Variants in METTL24 observed in about 807,000 individuals in gnomAD.
METTL24 encodes probable methyltransferase-like protein 24.
In METTL24, 29 loss-of-function variants were observed where a neutral mutation model predicts 32.7. That is an observed-to-expected ratio of 0.89 (90% CI 0.66 to 1.21). The LOEUF (loss-of-function observed/expected upper bound fraction) is 1.21. Among genes scored for constraint, METTL24 ranks in the 50% most tolerant of loss-of-function variants. The probability of loss-of-function intolerance (pLI) is 0.00; values close to 1 mark genes in which losing one functional copy is unlikely to be tolerated. For synonymous variants in METTL24, 163 were observed against 179.5 expected (o/e 0.91, Z 0.73); for missense variants, 439 against 468.1 (o/e 0.94, Z 0.57).
rs1162627573 is a variant in METTL24 at position 110,358,287 on chromosome 6, G to A, written c.-15C>T. 3 of 1,443,646 alleles carry A rather than the reference G, an allele frequency of 2.1e-6. No individual in the cohort carries two copies. Among genetic ancestry groups the A allele is most frequent in the Non-Finnish European group, 9.0e-7 (1 of 1,105,868 alleles). 89.4% of individuals were successfully genotyped at this position (1,443,646 alleles called of 1,614,324 possible). Reference sequence around the variant, plus strand: ...TCCCGGGCCATGGCGCTACACTCGGGGTCCCGCGGGCCGCGCCTGGCCGGC... The same window carrying A: ...TCCCGGGCCATGGCGCTACACTCGGAGTCCCGCGGGCCGCGCCTGGCCGGC... On this transcript the variant is annotated 5_prime_UTR_variant, in exon 1 of 5. Transcript: ENST00000338882.
intron 1 of METTL24, among the ~76,000 whole-genome samples, chr6:110,353,751 C>T (rs1772655679): frequency 6.6e-6 from 1 of 152,048 alleles, no homozygotes; most frequent in Non-Finnish European, 1.5e-5. Context: ...GAGTGTCTCT[C>T]TTTTGCAAAT....
intron 4 of METTL24, among the ~76,000 whole-genome samples, chr6:110,290,768 T>C (rs913643762): frequency 2.6e-5 from 4 of 152,198 alleles, no homozygotes; most frequent in Non-Finnish European, 5.9e-5. Context: ...TTGGTAAATA[T>C]ATGTTTAACT....
intron 4 of METTL24, among the ~76,000 whole-genome samples, chr6:110,276,139 G>C (rs1381487406): frequency 6.6e-6 from 1 of 152,086 alleles, no homozygotes; most frequent in Non-Finnish European, 1.5e-5. Context: ...AAACCAATAA[G>C]ATTACATGAT....
intron 4 of METTL24, among the ~76,000 whole-genome samples, chr6:110,290,981 T>C (rs1033593323): frequency 1.2e-4 from 18 of 152,206 alleles, no homozygotes; most frequent in African/African-American, 4.1e-4. Flanking sequence ...TCTTTTCATA[T>C]GTGTTTTTGC....
chr6:110,314,170 A>T lies in METTL24; in HGVS notation c.557+1172T>A, dbSNP rs1279508147. Among the ~76,000 whole-genome samples, 11 of 152,216 alleles carry T rather than the reference A, an allele frequency of 7.2e-5. No homozygotes were observed. The South Asian group carries it at 2.3e-3, about 32-fold the overall frequency. On this transcript the variant is annotated intron_variant, in intron 3 of 4. Transcript: ENST00000338882. The stretch of plus-strand genomic sequence containing the variant: ...GAATGTAGACTCTAGAGGTGATGAA[A>T]CCTACAGGTGAGGAGGAAGCATGTG...
intron 3 of METTL24, among the ~76,000 whole-genome samples, chr6:110,311,464 C>CTTTGTTTTT (rs1562233909): frequency 4.8e-5 from 6 of 123,712 alleles, no homozygotes; most frequent in African/African-American, 6.8e-5. Flanking sequence ...TCTTTTCTTT[C>CTTTGTTTTT]TTTGTTTTTT....
At chr6:110,302,566 C>CAT in intron 3 of METTL24, among the ~76,000 whole-genome samples, 2 of 95,730 alleles carry the variant, frequency 2.1e-5, no homozygotes, top group African/African-American at 1.1e-4. Flanking sequence ...TATATATACA[C>CAT]ACATACACAC....
chr6:110,352,863 CT>C (rs1489417282), intron 1 of METTL24, among the ~76,000 whole-genome samples: 2 of 152,210 alleles, frequency 1.3e-5, no homozygotes, highest in African/African-American at 4.8e-5. Flanking sequence ...TTTGGTTTAA[CT>C]ACTTGACCTG....
At chr6:110,327,092 TGACAGA>T (rs1772029853) in intron 1 of METTL24, among the ~76,000 whole-genome samples, 1 of 152,190 alleles carries the variant, frequency 6.6e-6, no homozygotes, top group Admixed American at 6.5e-5. Flanking sequence ...ATAGGGGCTC[TGACAGA>T]GATCTCTACA....
At chr6:110,325,039 T>C (rs1562237922) in intron 1 of METTL24, among the ~76,000 whole-genome samples, 1 of 152,174 alleles carries the variant, frequency 6.6e-6, no homozygotes, top group Non-Finnish European at 1.5e-5. Context: ...TAAACACAAA[T>C]GCCTCCAGTC....
At chr6:110,307,959 C>T (rs1771653928) in intron 3 of METTL24, among the ~76,000 whole-genome samples, 1 of 152,076 alleles carries the variant, frequency 6.6e-6, no homozygotes, top group Non-Finnish European at 1.5e-5. Context: ...CATAGAAGGA[C>T]CATTAAATCT....
chr6:110,318,665 AAAAAG>A (rs1452915790), intron 2 of METTL24, among the ~76,000 whole-genome samples: 9 of 151,632 alleles, frequency 5.9e-5, no homozygotes, highest in South Asian at 2.1e-4. Flanking sequence ...AAAAAAAAAA[AAAAAG>A]AAAGAAAGAA....
At chr6:110,280,591 A>C (rs561588229) in intron 4 of METTL24, among the ~76,000 whole-genome samples, 15 of 152,184 alleles carry the variant, frequency 9.9e-5, no homozygotes, top group South Asian at 6.2e-4. Flanking sequence ...TGGCCATCCC[A>C]CCTTAATTTT....
chr6:110,305,807 C>T (rs899155315), intron 3 of METTL24, among the ~76,000 whole-genome samples: 1 of 151,986 alleles, frequency 6.6e-6, no homozygotes, highest in African/African-American at 2.4e-5. Flanking sequence ...ACCATTTGAC[C>T]CAGCAATCCC....
Position 110,258,044 on chromosome 6 carries a change from C to G in METTL24, c.787-11784G>C, listed in dbSNP as rs1381538539. On this transcript the variant is annotated intron_variant, in intron 4 of 4. Transcript: ENST00000338882. Reference sequence around the variant, plus strand: ...GTGATTCAGAGTAAAACAATAGGACCCATATCATCCATATCATTGGGCTGT... The same window carrying G: ...GTGATTCAGAGTAAAACAATAGGACGCATATCATCCATATCATTGGGCTGT... Among the ~76,000 whole-genome samples, 5 of 152,082 alleles carry G rather than the reference C, an allele frequency of 3.3e-5. No individual in the cohort carries two copies. In the East Asian group the frequency reaches 9.6e-4, roughly 29 times the overall value.
At chr6:110,316,173 A>G (rs567076668) in intron 2 of METTL24, among the ~76,000 whole-genome samples, 1 of 152,348 alleles carries the variant, frequency 6.6e-6, no homozygotes, top group Admixed American at 6.5e-5. Context: ...AGCCCCAGGC[A>G]GGAGGCTCTT....
intron 4 of METTL24, among the ~76,000 whole-genome samples, chr6:110,290,164 C>G (rs984992615): frequency 2.6e-5 from 4 of 152,118 alleles, no homozygotes; most frequent in East Asian, 1.9e-4. Context: ...GATCCACCCC[C>G]CCTCAGCCTC....
chr6:110,273,812 T>C (rs1012374958), intron 4 of METTL24, among the ~76,000 whole-genome samples: 1 of 152,216 alleles, frequency 6.6e-6, no homozygotes, highest in African/African-American at 2.4e-5. Flanking sequence ...GAAAACAATA[T>C]GGAGATTCCT....
chr6:110,341,531 G>GT (rs1772356982), intron 1 of METTL24, among the ~76,000 whole-genome samples: 1 of 152,132 alleles, frequency 6.6e-6, no homozygotes, highest in Non-Finnish European at 1.5e-5. Context: ...TTTAAGAAAT[G>GT]TAAGATATAC....
Sources: allele counts gnomAD v4.1 joint callset (sites outside exome capture counted in the v4.1 genomes callset), GRCh38; gene constraint gnomAD v4.1.1; transcripts MANE v1.5; gene names NCBI Gene and HGNC (gene_info 2026-07-23, HGNC 2026-07-21).